GRIP2: variants seen among roughly 807,000 people sequenced by gnomAD.
GRIP2 encodes the protein glutamate receptor interacting protein 2.
GRIP2 carries 58 observed loss-of-function variants against 108.3 expected under a neutral mutation model. The observed-to-expected ratio is 0.54, with a 90% CI of 0.43 to 0.67. The LOEUF is 0.67. GRIP2 is among the 30% of genes least tolerant of loss of function. The pLI is 0.00. For synonymous variants in GRIP2, 586 were observed against 598.2 expected, an observed-to-expected ratio of 0.98 and a Z score of 0.30; for missense variants, 1,278 against 1,430.6, an observed-to-expected ratio of 0.89 and a Z score of 1.72.
Position 14,511,579 on chromosome 3 carries a change from T to C in GRIP2, c.1721-100A>G, listed in dbSNP as rs1455220886. 8.9e-7 allele frequency: 1 copy of C among 1,118,812 alleles called. No individual in the cohort carries two copies. Among genetic ancestry groups the C allele is most frequent in the Admixed American group, 2.0e-5 (1 of 51,038 alleles). 69.3% of individuals were successfully genotyped at this position (1,118,812 alleles called of 1,614,324 possible). A position where few individuals can be genotyped will look rare whatever the true frequency, so the allele number is the denominator to read the frequency against. On this transcript the variant is annotated intron_variant, in intron 14 of 23. Transcript: ENST00000621039. This position sits in a 1 kb window ranked among gnomAD's most constrained non-coding sequence, Gnocchi z 4.1. The stretch of plus-strand genomic sequence containing the variant: ...AGTGTGGACTCGGAGCCACTGGTCC[T>C]ACTCACATCCTGGTCCCACTGCTTC...
intron 1 of GRIP2, among the ~76,000 whole-genome samples, chr3:14,547,543 T>C (rs1476333007): frequency 6.6e-6 from 1 of 152,160 alleles, no homozygotes; most frequent in Non-Finnish European, 1.5e-5. Context: ...ATGTTAGAAG[T>C]TGGAACTCTC....
At chr3:14,524,310 G>T in intron 4 of GRIP2, 83 bp downstream of exon 4, 2 of 1,474,630 alleles carry the variant, frequency 1.4e-6, no homozygotes, top group Non-Finnish European at 1.8e-6. Flanking sequence ...CATGATCCCT[G>T]CCACCCAGGC....
At chr3:14,494,797 A>T (rs768802939) in intron 23 of GRIP2, 46 bp downstream of exon 23, 1 of 1,581,814 alleles carries the variant, frequency 6.3e-7, no homozygotes, top group South Asian at 1.1e-5. Context: ...CCCTCAGGCT[A>T]GGAAACAATG....
upstream of GRIP2, among the ~76,000 whole-genome samples, chr3:14,546,864 G>A (rs939627318): frequency 6.6e-6 from 1 of 152,170 alleles, no homozygotes; most frequent in African/African-American, 2.4e-5. Flanking sequence ...GCTGGTGGGG[G>A]GTAAACTGAG....
At chr3:14,572,101 T>G in the GRIP2 span, among the ~76,000 whole-genome samples, 1 of 152,186 alleles carries the variant, frequency 6.6e-6, no homozygotes, top group Non-Finnish European at 1.5e-5. Context: ...TGAGGGTATA[T>G]ACTCAACAGA....
At chr3:14,554,054 A>G (rs950996862) in intron 1 of GRIP2, among the ~76,000 whole-genome samples, 3 of 152,096 alleles carry the variant, frequency 2.0e-5, no homozygotes, top group African/African-American at 4.8e-5. Context: ...AGAGGAAGGA[A>G]GTGGTTGGGT....
chr3:14,524,477 G>A lies in GRIP2; in HGVS notation c.319C>T (p.Leu107Phe). The change falls in exon 4 of 24, where the codon CTC (leucine) becomes TTC (phenylalanine). Residue 107 changes from leucine (L) to phenylalanine (F), a missense_variant. Coordinates refer to ENST00000621039, the MANE Select transcript of GRIP2 (RefSeq NM_001080423.4). ...AGGGTGATGATCTCATCGTGGCGGA[G>A]CCTGGTCAGGTGGATCCCGTTCACA... ...RSVNGIHLTRLRHDEIITLLK... is the reference protein window; with the variant it reads ...RSVNGIHLTRFRHDEIITLLK... The A allele has an allele frequency of 6.3e-7, 1 of 1,579,398 alleles. No individual in the cohort carries two copies. The highest frequency in any genetic ancestry group is 1.3e-5 in the African/African-American group (1 of 74,366).
the GRIP2 span, among the ~76,000 whole-genome samples, chr3:14,566,685 A>G: frequency 4.3e-4 from 65 of 152,244 alleles, no homozygotes; most frequent in South Asian, 0.013. Context: ...ACCTCCTAAA[A>G]GCTCCTTTTC....
At position 14,524,525 on chromosome 3, in the gene GRIP2, TCAG is replaced by T. The variant is rs1483141093; in HGVS notation, c.268_270del (p.Leu90del). 6.4e-7 allele frequency: 1 copy of T among 1,553,140 alleles called. No homozygotes were observed. Among genetic ancestry groups the T allele is most frequent in the South Asian group, 1.2e-5 (1 of 84,122 alleles). On this transcript the variant is annotated inframe_deletion, in exon 4 of 24. Transcript: ENST00000621039. ...ACAGACCGAATATAGTCACCAATGT[TCAG>T]CAGATCACTCCTAGAGCAGGAAGGC... is the stretch of plus-strand genomic sequence containing the variant.
intron 21 of GRIP2, among the ~76,000 whole-genome samples, chr3:14,499,098 C>G (rs1014422258): frequency 1.3e-5 from 2 of 152,142 alleles, no homozygotes; most frequent in Non-Finnish European, 2.9e-5. Context: ...GGGGGAGGAT[C>G]ACTTGTGACA....
the GRIP2 span, chr3:14,574,107 G>A: frequency 9.1e-7 from 1 of 1,101,206 alleles, no homozygotes; most frequent in Non-Finnish European, 1.4e-6. Flanking sequence ...CGAGTCCATC[G>A]TTTCATGCTG....
At chr3:14,557,497 A>G (rs1259788878), upstream of GRIP2, among the ~76,000 whole-genome samples, 1 of 152,220 alleles carries the variant, frequency 6.6e-6, no homozygotes, top group Non-Finnish European at 1.5e-5. Flanking sequence ...TGTTGGGGCA[A>G]CTCAGCTAGG....
rs544626810 is a variant in GRIP2, at chr3:14,499,288, C to T, written c.2680-2728G>A. Among the ~76,000 whole-genome samples the T allele has an allele frequency of 3.3e-5, 5 of 152,272 alleles. No homozygotes were observed. In the East Asian group the frequency reaches 5.8e-4, roughly 18 times the overall value. ...TCACTGATGCATCGACAACGCAGAG[C>T]GCAGCAAGGCGGGTGCCTGGGAAGG... is the stretch of plus-strand genomic sequence containing the variant. On this transcript the variant is annotated intron_variant, in intron 21 of 23. Coordinates refer to ENST00000621039, the MANE Select transcript of GRIP2 (RefSeq NM_001080423.4).
chr3:14,506,723 G>GT, intron 19 of GRIP2, 78 bp downstream of exon 19: 1 of 1,324,014 alleles, frequency 7.6e-7, no homozygotes, highest in Non-Finnish European at 1.0e-6. Flanking sequence ...ACAGGCACAA[G>GT]AACAGTCCTG....
chr3:14,510,921 G>A (rs542238222), intron 16 of GRIP2, among the ~76,000 whole-genome samples: 1 of 152,344 alleles, frequency 6.6e-6, no homozygotes, highest in South Asian at 2.1e-4. Context: ...GGTGCTAGAT[G>A]TGGAGACTAC....
chr3:14,570,540 G>A, the GRIP2 span, among the ~76,000 whole-genome samples: 3 of 152,216 alleles, frequency 2.0e-5, no homozygotes, highest in East Asian at 1.9e-4. Context: ...TGATTTTTAC[G>A]TTTGGAAACA....
At chr3:14,534,964 C>CACTTT (rs1559350020) in intron 1 of GRIP2, among the ~76,000 whole-genome samples, 1 of 151,910 alleles carries the variant, frequency 6.6e-6, no homozygotes, top group African/African-American at 2.4e-5. Context: ...TAAAGTCAGC[C>CACTTT]GGCTTTGACT....
chr3:14,510,258 GTTTT>G (rs148444184), intron 16 of GRIP2, among the ~76,000 whole-genome samples: 11 of 92,278 alleles, frequency 1.2e-4, no homozygotes, highest in Non-Finnish European at 1.4e-4. Flanking sequence ...ATCATCCGTT[GTTTT>G]TTTTTTTTTT....
chr3:14,513,479 T>G, intron 13 of GRIP2, among the ~76,000 whole-genome samples, 186 bp downstream of exon 13: 1 of 152,232 alleles, frequency 6.6e-6, no homozygotes, highest in East Asian at 1.9e-4. Flanking sequence ...AAAAGTCTCC[T>G]GGTGTGGAAA....
Sources: allele counts gnomAD v4.1 joint callset (sites outside exome capture counted in the v4.1 genomes callset), GRCh38; gene constraint gnomAD v4.1.1; non-coding constraint Gnocchi (gnomAD v3.1); transcripts MANE v1.5; gene names NCBI Gene and HGNC (gene_info 2026-07-23, HGNC 2026-07-21).